The following CELF2 variants were observed in gnomAD, a reference collection of about 807,000 sequenced individuals.
CELF2 encodes CUGBP Elav-like family member 2.
A neutral mutation model predicts 62.6 loss-of-function variants in CELF2; 8 were observed. The observed-to-expected ratio is 0.13, with a 90% CI of 0.07 to 0.23. The LOEUF is 0.23. Among genes scored for constraint, CELF2 ranks in the 10% least tolerant of loss-of-function variants. The pLI, the probability that CELF2 is intolerant of heterozygous loss-of-function variation, is 1.00. For synonymous variants in CELF2, 258 were observed against 250.0 expected (o/e 1.03, Z -0.30); for missense variants, 333 against 671.0 (o/e 0.50, Z 5.56).
intron 1 of CELF2, among the ~76,000 whole-genome samples, chr10:11,077,687 C>A (rs1337149800): frequency 6.6e-6 from 1 of 152,178 alleles, no homozygotes; most frequent in East Asian, 1.9e-4. Context: ...TGAAACATTT[C>A]ATTGCCCTGT....
upstream of CELF2, among the ~76,000 whole-genome samples, chr10:10,795,815 C>T (rs1324171666): frequency 6.6e-6 from 1 of 152,052 alleles, no homozygotes; most frequent in Non-Finnish European, 1.5e-5. Context: ...GATAATTTCT[C>T]TCCTTCCTCT....
At position 10,990,631 on chromosome 10, in the gene CELF2, A is replaced by G. The variant is rs756769438; in HGVS notation, c.89+70632A>G. Among the ~76,000 whole-genome samples the G allele has an allele frequency of 5.3e-5, 8 of 152,198 alleles. No homozygotes were observed. The highest frequency in any genetic ancestry group is 4.1e-4 in the South Asian group (2 of 4,834). Reference sequence around the variant, plus strand: ...TATACGCTCAGTGGCAATTCAGTGTATTTCATAGATAAGTTTCATTTGTAG... The same window carrying G: ...TATACGCTCAGTGGCAATTCAGTGTGTTTCATAGATAAGTTTCATTTGTAG... On this transcript the variant is annotated intron_variant, in intron 2 of 13. Coordinates refer to the CELF2 transcript ENST00000636488. This position sits in a 1 kb window ranked among gnomAD's most constrained non-coding sequence, Gnocchi z 4.6.
the CELF2 span, among the ~76,000 whole-genome samples, chr10:10,565,697 G>T: frequency 1.3e-5 from 2 of 152,150 alleles, no homozygotes; most frequent in African/African-American, 4.8e-5. Flanking sequence ...GAAGAATTTT[G>T]GACTTACAGA....
chr10:10,504,583 G>C, the CELF2 span, among the ~76,000 whole-genome samples: 1 of 152,162 alleles, frequency 6.6e-6, no homozygotes, highest in Non-Finnish European at 1.5e-5. Flanking sequence ...TAGATTTGGG[G>C]TATTTTCCAG....
At chr10:11,091,877 A>T (rs2048416710) in intron 1 of CELF2, among the ~76,000 whole-genome samples, 1 of 152,244 alleles carries the variant, frequency 6.6e-6, no homozygotes, top group Non-Finnish European at 1.5e-5. Flanking sequence ...GTTCATGAGG[A>T]AACCAGTAAG....
chr10:11,025,261 C>G (rs2059001450), intron 1 of CELF2, among the ~76,000 whole-genome samples: 1 of 68,778 alleles, frequency 1.5e-5, no homozygotes, highest in Non-Finnish European at 4.0e-5. Flanking sequence ...GACTGTATAT[C>G]TGGAAAGTCA....
intron 2 of CELF2, among the ~76,000 whole-genome samples, chr10:11,174,254 C>G (rs1311142342): frequency 1.3e-5 from 2 of 152,082 alleles, no homozygotes; most frequent in African/African-American, 4.8e-5. Context: ...ATCACATAGA[C>G]AAACACACAC....
intron 12 of CELF2, 34 bp downstream of exon 12, chr10:11,326,013 TA>T: frequency 6.3e-7 from 1 of 1,590,776 alleles, no homozygotes; most frequent in East Asian, 2.2e-5. Context: ...TATATTGCAG[TA>T]GGTTCCCAAG....
At chr10:11,055,847 T>A (rs1026864092) in intron 1 of CELF2, among the ~76,000 whole-genome samples, 2 of 152,210 alleles carry the variant, frequency 1.3e-5, no homozygotes, top group Admixed American at 6.5e-5. Context: ...TTCTAAAGGT[T>A]CCTTTTCAGT....
In CELF2 at chr10:11,214,283, AAAAT is replaced by A. The variant is rs1399182512; in HGVS notation, c.272-3133_272-3130del. ...GACAACAGAGTGACATCCTGTCTCAAAAATAAATAAATTTTTTAATGATGAAACT... is the reference window on the plus strand; with the variant it reads ...GACAACAGAGTGACATCCTGTCTCAAAAATAAATTTTTTAATGATGAAACT... On this transcript the variant is annotated intron_variant, in intron 2 of 12. Transcript: ENST00000633077. The surrounding 1 kb of genome is among the most constrained non-coding windows in gnomAD (Gnocchi z 4.2). Among the ~76,000 whole-genome samples the A allele has an allele frequency of 1.3e-5, 2 of 152,234 alleles. No individual in the cohort carries two copies. The highest frequency in any genetic ancestry group is 4.8e-5 in the African/African-American group (2 of 41,454).
At chr10:10,955,768 TAAGAC>T (rs2048821860) in intron 2 of CELF2, among the ~76,000 whole-genome samples, 1 of 152,178 alleles carries the variant, frequency 6.6e-6, no homozygotes, top group Non-Finnish European at 1.5e-5. Context: ...ATTTCAATAA[TAAGAC>T]AAGAACCAGA....
At chr10:10,646,529 G>C in the CELF2 span, among the ~76,000 whole-genome samples, 1 of 152,032 alleles carries the variant, frequency 6.6e-6, no homozygotes, top group Non-Finnish European at 1.5e-5. Flanking sequence ...TACAACACTT[G>C]GTAGTGTTAA....
intron 1 of CELF2, among the ~76,000 whole-genome samples, chr10:11,101,389 G>A (rs1290461673): frequency 3.9e-5 from 6 of 152,202 alleles, no homozygotes; most frequent in Admixed American, 3.9e-4. Context: ...TCAGCCATGG[G>A]TGTGAATGAG....
chr10:10,829,535 T>C (rs1343967377), intron 1 of CELF2, among the ~76,000 whole-genome samples: 1 of 152,226 alleles, frequency 6.6e-6, no homozygotes, highest in Non-Finnish European at 1.5e-5. Flanking sequence ...ATTCAATCAA[T>C]TTGTGCCATA....
At chr10:10,795,005 C>T (rs2054056965), upstream of CELF2, 1 of 152,116 alleles carries the variant, frequency 6.6e-6, no homozygotes, top group Non-Finnish European at 1.5e-5. Context: ...ACTCTAACCC[C>T]AGTACTTGCG....
chr10:10,916,267 T>G (rs1451529540), intron 1 of CELF2, among the ~76,000 whole-genome samples: 1 of 152,212 alleles, frequency 6.6e-6, no homozygotes, highest in South Asian at 2.1e-4. Context: ...GGATGATGAC[T>G]CCTAGCTACA....
intron 2 of CELF2, among the ~76,000 whole-genome samples, chr10:10,923,234 A>G (rs1258361274): frequency 6.6e-6 from 1 of 152,222 alleles, no homozygotes; most frequent in Non-Finnish European, 1.5e-5. Flanking sequence ...ACGTCTAGGA[A>G]AAATGGAAAA....
the CELF2 span, among the ~76,000 whole-genome samples, chr10:10,617,076 T>C: frequency 6.6e-6 from 1 of 152,102 alleles, no homozygotes; most frequent in Middle Eastern, 3.2e-3. Flanking sequence ...TCTTTCTAAA[T>C]TGAAAAAATT....
At chr10:10,737,949 G>A in the CELF2 span, among the ~76,000 whole-genome samples, 1 of 152,150 alleles carries the variant, frequency 6.6e-6, no homozygotes, top group African/African-American at 2.4e-5. Context: ...GCACACCTGG[G>A]TCTCTGCCTA....
Sources: gnomAD v4.1 joint callset for allele counts (sites outside exome capture counted in the v4.1 genomes callset) on GRCh38, gnomAD v4.1.1 for gene constraint, Gnocchi (gnomAD v3.1) non-coding constraint, MANE v1.5 for transcripts, NCBI Gene and HGNC (gene_info 2026-07-23, HGNC 2026-07-21) for gene names.